Variants in PEBP4 observed in about 807,000 individuals in gnomAD.
PEBP4 encodes the protein phosphatidylethanolamine-binding protein 4.
PEBP4 carries 22 observed loss-of-function variants against 23.9 expected under a neutral mutation model. The ratio of observed to expected loss-of-function variants is 0.92; its 90% CI spans 0.66 to 1.31. PEBP4 has a LOEUF of 1.31. Among genes scored for constraint, PEBP4 ranks in the 40% most tolerant of loss-of-function variants. The probability of loss-of-function intolerance (pLI) is 0.00; values close to 1 mark genes in which losing one functional copy is unlikely to be tolerated. For missense variants in PEBP4, 324 were observed against 281.7 expected (o/e 1.15, Z -1.07); for synonymous variants, 112 against 99.3 (o/e 1.13, Z -0.76).
intron 3 of PEBP4, among the ~76,000 whole-genome samples, chr8:22,853,823 C>T (rs1807591188): frequency 6.6e-6 from 1 of 152,178 alleles, no homozygotes; most frequent in Non-Finnish European, 1.5e-5. Flanking sequence ...AGAAACGCTT[C>T]CTCCAGGCCT....
intron 4 of PEBP4, among the ~76,000 whole-genome samples, chr8:22,797,778 C>A (rs141594935): frequency 6.6e-6 from 1 of 152,148 alleles, no homozygotes; most frequent in Non-Finnish European, 1.5e-5. Flanking sequence ...GACTTTGAGT[C>A]AAATTGTTCA....
At chr8:22,743,110 AG>A (rs1805033357) in intron 4 of PEBP4, among the ~76,000 whole-genome samples, 2 of 152,278 alleles carry the variant, frequency 1.3e-5, no homozygotes, top group Non-Finnish European at 1.5e-5. Context: ...CTCTTATGCC[AG>A]CCTCCTGTCC....
At chr8:22,721,730 C>T (rs1804522909) in intron 6 of PEBP4, among the ~76,000 whole-genome samples, 1 of 152,148 alleles carries the variant, frequency 6.6e-6, no homozygotes, top group African/African-American at 2.4e-5. Flanking sequence ...CACCCTGCTT[C>T]CTCCACGGAT....
chr8:22,781,048 T>G (rs1443285595), intron 4 of PEBP4, among the ~76,000 whole-genome samples: 4 of 152,214 alleles, frequency 2.6e-5, no homozygotes, highest in Non-Finnish European at 5.9e-5. Flanking sequence ...GGTTCAGATC[T>G]GAAACTCTTT....
chr8:22,927,749 G>A lies in PEBP4; in HGVS notation c.-6-29C>T, dbSNP rs181166548. 9.8e-4 allele frequency: 1,574 copies of A among 1,612,454 alleles called. 8 individuals are homozygous for A. The African/African-American group carries it at 0.017, about 17-fold the overall frequency. ...GAACAGAAAGAACTTTAGAGCGGCTGGATCCCCTGCAGGGGCCTTCCTGCC... is the reference window on the plus strand; with the variant it reads ...GAACAGAAAGAACTTTAGAGCGGCTAGATCCCCTGCAGGGGCCTTCCTGCC... On this transcript the variant is annotated intron_variant, in intron 1 of 6. Coordinates refer to ENST00000256404, the MANE Select transcript of PEBP4 (RefSeq NM_144962.3).
intron 4 of PEBP4, among the ~76,000 whole-genome samples, chr8:22,732,374 GA>G (rs1804756141): frequency 6.6e-6 from 1 of 152,076 alleles, no homozygotes; most frequent in Non-Finnish European, 1.5e-5. Flanking sequence ...TGGACACAGG[GA>G]GGGGAACAAC....
chr8:22,827,216 T>G (rs1295888720), intron 3 of PEBP4, among the ~76,000 whole-genome samples: 2 of 152,172 alleles, frequency 1.3e-5, no homozygotes, highest in Non-Finnish European at 2.9e-5. Flanking sequence ...AGATAAAGTT[T>G]TAAAAAACAG....
Position 22,792,355 on chromosome 8 carries a change from T to C in PEBP4, c.357+25282A>G, listed in dbSNP as rs935653788. The stretch of plus-strand genomic sequence containing the variant: ...CTCAGGGCTGCAGGGCCTTACCCCA[T>C]AGAACACTTCCCGGTGCTTCTAAGG... On this transcript the variant is annotated intron_variant, in intron 4 of 6. Coordinates refer to ENST00000256404, the MANE Select transcript of PEBP4 (RefSeq NM_144962.3). Among the ~76,000 whole-genome samples, 3 of 152,094 alleles carry C rather than the reference T, an allele frequency of 2.0e-5. 1 individual carries two copies. The highest frequency in any genetic ancestry group is 2.9e-5 in the Non-Finnish European group (2 of 68,006).
rs540982637 is a variant in PEBP4, at chr8:22,780,125, A to G, written c.357+37512T>C. Reference sequence around the variant, plus strand: ...ACCACAGGCACGCACTATCACATCCAGCTAATTTTTGTATTTTTTTGTAGA... The same window carrying G: ...ACCACAGGCACGCACTATCACATCCGGCTAATTTTTGTATTTTTTTGTAGA... On this transcript the variant is annotated intron_variant, in intron 4 of 6. Coordinates refer to ENST00000256404, the MANE Select transcript of PEBP4 (RefSeq NM_144962.3). Among the ~76,000 whole-genome samples, 289 of 151,982 alleles carry G rather than the reference A, an allele frequency of 1.9e-3. 2 individuals carry two copies. Among genetic ancestry groups the G allele is most frequent in the African/African-American group, 6.5e-3 (268 of 41,468 alleles).
intron 3 of PEBP4, among the ~76,000 whole-genome samples, chr8:22,871,935 C>A (rs1808015430): frequency 6.6e-6 from 1 of 152,104 alleles, no homozygotes; most frequent in Admixed American, 6.5e-5. Context: ...CACTCCCAAC[C>A]TCCCCCCGCA....
chr8:22,842,048 T>C (rs1807339885), intron 3 of PEBP4, among the ~76,000 whole-genome samples: 2 of 152,214 alleles, frequency 1.3e-5, no homozygotes, highest in African/African-American at 4.8e-5. Context: ...GGAGTACAAA[T>C]GTTCAAACAC....
Position 22,825,637 on chromosome 8 carries a change from G to A in PEBP4, c.259-7902C>T, listed in dbSNP as rs539493221. Among the ~76,000 whole-genome samples the A allele has an allele frequency of 7.9e-5, 12 of 152,132 alleles. No homozygotes were observed. In the East Asian group the frequency reaches 9.7e-4, roughly 12 times the overall value. On this transcript the variant is annotated intron_variant, in intron 3 of 6. Transcript: ENST00000256404. ...TGAGCCAGGTGATCTACTTTCCCTCGGGTTCTAACATCCACATGGTGGATT... is the reference window on the plus strand; with the variant it reads ...TGAGCCAGGTGATCTACTTTCCCTCAGGTTCTAACATCCACATGGTGGATT...
intron 4 of PEBP4, among the ~76,000 whole-genome samples, chr8:22,767,550 C>T (rs1238207531): frequency 9.9e-5 from 15 of 152,088 alleles, no homozygotes; most frequent in African/African-American, 2.9e-4. Context: ...ATTTACATGA[C>T]GCTCAAGAAT....
At chr8:22,747,379 C>A (rs1337659954) in intron 4 of PEBP4, 1 of 152,128 alleles carries the variant, frequency 6.6e-6, no homozygotes, top group Non-Finnish European at 1.5e-5. Context: ...TGTACAGCAC[C>A]CGAGAGAGGC....
chr8:22,787,835 C>CA (rs1806057111), intron 4 of PEBP4, among the ~76,000 whole-genome samples: 1 of 152,152 alleles, frequency 6.6e-6, no homozygotes, highest in Non-Finnish European at 1.5e-5. Flanking sequence ...AGCTGGGTCA[C>CA]AGGAGGGCCC....
In PEBP4 at chr8:22,722,304, C is replaced by T. The variant is rs557730313; in HGVS notation, c.517+2539G>A. Among the ~76,000 whole-genome samples, 15 of 152,314 alleles carry T rather than the reference C, an allele frequency of 9.8e-5. No individual in the cohort carries two copies. The South Asian group carries it at 3.1e-3, about 32-fold the overall frequency. Reference sequence around the variant, plus strand: ...AACCTCCTCCCCATGGCCTCAGGGCCAGAGAAATTTGTAGATCATCTGGAG... The same window carrying T: ...AACCTCCTCCCCATGGCCTCAGGGCTAGAGAAATTTGTAGATCATCTGGAG... On this transcript the variant is annotated intron_variant, in intron 6 of 6. Coordinates refer to ENST00000256404, the MANE Select transcript of PEBP4 (RefSeq NM_144962.3).
chr8:22,898,504 C>T (rs1808642480), intron 3 of PEBP4, among the ~76,000 whole-genome samples: 2 of 151,328 alleles, frequency 1.3e-5, no homozygotes, highest in African/African-American at 2.4e-5. Context: ...TCACTCAATC[C>T]TCCCAGCCAG....
intron 6 of PEBP4, among the ~76,000 whole-genome samples, chr8:22,724,236 C>T (rs915882999): frequency 2.0e-5 from 3 of 152,198 alleles, no homozygotes; most frequent in Admixed American, 6.5e-5. Flanking sequence ...ACCGCTCCTG[C>T]TCCCTGGCCC....
chr8:22,914,804 C>T (rs372599703), intron 3 of PEBP4, among the ~76,000 whole-genome samples: 10 of 152,100 alleles, frequency 6.6e-5, no homozygotes, highest in South Asian at 2.1e-4. Context: ...GTGCAGAAGT[C>T]GGTGCCAATG....
Sources: gnomAD v4.1 joint callset for allele counts (sites outside exome capture counted in the v4.1 genomes callset) on GRCh38, gnomAD v4.1.1 for gene constraint, MANE v1.5 for transcripts, NCBI Gene and HGNC (gene_info 2026-07-23, HGNC 2026-07-21) for gene names.